Variants in EEFSEC observed in about 807,000 individuals in gnomAD.
EEFSEC encodes the protein selenocysteine-specific elongation factor.
In EEFSEC, 43 loss-of-function variants were observed where a neutral mutation model predicts 42.1. That is an observed-to-expected ratio of 1.02 (90% CI 0.80 to 1.32). The LOEUF is 1.32. Among genes scored for constraint, EEFSEC ranks in the 40% most tolerant of loss-of-function variants. EEFSEC has a pLI of 0.00. For synonymous variants in EEFSEC, 354 were observed against 339.1 expected (o/e 1.04, Z -0.48); for missense variants, 745 against 803.6 (o/e 0.93, Z 0.88).
chr3:128,284,774 G>A (rs150129542), intron 4 of EEFSEC, among the ~76,000 whole-genome samples: 2,202 of 152,264 alleles, frequency 0.014, 29 homozygotes, highest in Non-Finnish European at 0.024. Flanking sequence ...ACATGTCATA[G>A]GGGAGGCTCC....
intron 1 of EEFSEC, among the ~76,000 whole-genome samples, chr3:128,211,750 A>G (rs895676160): frequency 4.2e-4 from 64 of 151,622 alleles, no homozygotes; most frequent in African/African-American, 1.5e-3. Context: ...TCCTGAGTTC[A>G]GGCAATTTGC....
chr3:128,349,605 C>T (rs944957643), intron 5 of EEFSEC, among the ~76,000 whole-genome samples: 3 of 152,214 alleles, frequency 2.0e-5, no homozygotes, highest in African/African-American at 7.2e-5. Context: ...ATGCCCTCCT[C>T]ACCTCCCCAA....
At chr3:128,164,937 AAGG>A (rs139410005) in intron 1 of EEFSEC, among the ~76,000 whole-genome samples, 2,314 of 152,260 alleles carry the variant, frequency 0.015, 57 homozygotes, top group African/African-American at 0.051. Flanking sequence ...CAGCTGGATG[AAGG>A]AGAAGAGGAA....
chr3:128,348,553 G>T (rs1270310223), intron 5 of EEFSEC, among the ~76,000 whole-genome samples: 1 of 152,106 alleles, frequency 6.6e-6, no homozygotes, highest in Non-Finnish European at 1.5e-5. Flanking sequence ...CCTTCTAGTA[G>T]CAATAGTATG....
chr3:128,352,647 C>T (rs1360813010), intron 5 of EEFSEC, among the ~76,000 whole-genome samples: 1 of 152,194 alleles, frequency 6.6e-6, no homozygotes, highest in African/African-American at 2.4e-5. Flanking sequence ...GTGCACAGGC[C>T]CTGCATCTGC....
chr3:128,329,178 C>T (rs1312491647), intron 4 of EEFSEC, among the ~76,000 whole-genome samples: 1 of 152,206 alleles, frequency 6.6e-6, no homozygotes, highest in East Asian at 1.9e-4. Context: ...AGCTGCTGGG[C>T]AGCTTCCCTG....
At chr3:128,232,727 T>G (rs2065971196) in intron 1 of EEFSEC, among the ~76,000 whole-genome samples, 1 of 152,234 alleles carries the variant, frequency 6.6e-6, no homozygotes, top group East Asian at 1.9e-4. Context: ...GGAGTTGTAC[T>G]GTTGTGCAAA....
At chr3:128,264,492 C>A in intron 3 of EEFSEC, 125 bp from the exon 4 acceptor site, 1 of 1,119,884 alleles carries the variant, frequency 8.9e-7, no homozygotes, top group Non-Finnish European at 1.3e-6. Flanking sequence ...GGGCATGGAC[C>A]TCTGAGCTGA....
chr3:128,186,620 A>G (rs752940539), intron 1 of EEFSEC, among the ~76,000 whole-genome samples: 12 of 152,176 alleles, frequency 7.9e-5, no homozygotes, highest in Non-Finnish European at 1.8e-4. Context: ...TAGAGGTCCA[A>G]CTTAATTCTT....
intron 1 of EEFSEC, among the ~76,000 whole-genome samples, chr3:128,232,217 G>A (rs1240670216): frequency 6.6e-6 from 1 of 152,126 alleles, no homozygotes; most frequent in Non-Finnish European, 1.5e-5. Flanking sequence ...GTGGGGGGAA[G>A]TTTTCATACT....
chr3:128,348,644 C>G (rs1012576536), intron 5 of EEFSEC, among the ~76,000 whole-genome samples: 2 of 152,128 alleles, frequency 1.3e-5, no homozygotes, highest in Admixed American at 6.6e-5. Flanking sequence ...GTTAGTGACT[C>G]TTTTCTTTAG....
intron 4 of EEFSEC, among the ~76,000 whole-genome samples, chr3:128,297,105 T>TACC (rs2066714836): frequency 1.3e-5 from 2 of 152,008 alleles, no homozygotes; most frequent in African/African-American, 4.8e-5. Flanking sequence ...TGGGAGACCA[T>TACC]AGGCACATAC....
chr3:128,155,720 T>C (rs905137378), intron 1 of EEFSEC, among the ~76,000 whole-genome samples: 1 of 152,234 alleles, frequency 6.6e-6, no homozygotes, highest in African/African-American at 2.4e-5. Context: ...TCACTGGGCA[T>C]TCTGGGTCCC....
chr3:128,222,834 G>A (rs116513276), intron 1 of EEFSEC, among the ~76,000 whole-genome samples: 1 of 152,192 alleles, frequency 6.6e-6, no homozygotes, highest in African/African-American at 2.4e-5. Context: ...GAATTTGTCT[G>A]GTCTTTGTCC....
chr3:128,235,587 G>T (rs975038220), intron 1 of EEFSEC, among the ~76,000 whole-genome samples: 1 of 152,128 alleles, frequency 6.6e-6, no homozygotes, highest in Non-Finnish European at 1.5e-5. Context: ...TTTCTCCCAC[G>T]GATCCTCTAG....
intron 4 of EEFSEC, among the ~76,000 whole-genome samples, chr3:128,270,637 T>G (rs560323932): frequency 6.6e-6 from 1 of 152,360 alleles, no homozygotes; most frequent in African/African-American, 2.4e-5. Context: ...TGAGATAAGA[T>G]TATGACATCT....
intron 1 of EEFSEC, among the ~76,000 whole-genome samples, chr3:128,170,532 T>G (rs3122174): frequency 0.14 from 21,962 of 152,026 alleles, 1,705 homozygotes; most frequent in Admixed American, 0.2. Flanking sequence ...GGATACCAGT[T>G]TGGTCTTCTG....
chr3:128,402,027 AG>A (rs750472278), intron 6 of EEFSEC, among the ~76,000 whole-genome samples: 6 of 152,164 alleles, frequency 3.9e-5, no homozygotes. Context: ...TGGATTGAGC[AG>A]GTTCCAGCCA....
chr3:128,206,111 A>G (rs749408308), intron 1 of EEFSEC, among the ~76,000 whole-genome samples: 2 of 152,204 alleles, frequency 1.3e-5, no homozygotes, highest in Non-Finnish European at 2.9e-5. Context: ...TTTATATCCT[A>G]TGTTCTTGTA....
Sources: allele counts gnomAD v4.1 joint callset (sites outside exome capture counted in the v4.1 genomes callset), GRCh38; gene constraint gnomAD v4.1.1; transcripts MANE v1.5; gene names NCBI Gene and HGNC (gene_info 2026-07-23, HGNC 2026-07-21).